B4GALNT3: variants seen among roughly 807,000 people sequenced by gnomAD.
The protein encoded by B4GALNT3 is beta-1,4-N-acetylgalactosaminyltransferase 3.
Under a neutral mutation model 120.2 loss-of-function variants are expected in B4GALNT3, and 86 were observed. The observed-to-expected ratio is 0.72, with a 90% CI of 0.60 to 0.86. The LOEUF is 0.86. Ranked by LOEUF, B4GALNT3 falls within the 40% of genes least tolerant of loss-of-function variation. The pLI is 0.00. For missense variants in B4GALNT3, 1,167 were observed against 1,298.9 expected (o/e 0.90, Z 1.56); for synonymous variants, 518 against 510.4 (o/e 1.01, Z -0.20).
intron 1 of B4GALNT3, among the ~76,000 whole-genome samples, chr12:482,855 T>G (rs954146325): frequency 6.6e-6 from 1 of 152,126 alleles, no homozygotes; most frequent in Non-Finnish European, 1.5e-5. Context: ...CTGGGCAACA[T>G]AGTGAGACCC....
chr12:470,583 G>A lies in B4GALNT3; in HGVS notation c.169+10038G>A, dbSNP rs565568933. Among the ~76,000 whole-genome samples the A allele has an allele frequency of 1.5e-4, 23 of 152,346 alleles. 1 individual carries two copies. The East Asian group carries it at 4.4e-3, about 29-fold the overall frequency. ...CCCATTTCAGCTGAGTAGAGGGCCTGGGAAAGGGCAGTGGAGATGGGCAGC... is the reference window on the plus strand; with the variant it reads ...CCCATTTCAGCTGAGTAGAGGGCCTAGGAAAGGGCAGTGGAGATGGGCAGC... On this transcript the variant is annotated intron_variant, in intron 1 of 19. Transcript: ENST00000266383.
chr12:501,118 A>AC (rs768428142), intron 1 of B4GALNT3, among the ~76,000 whole-genome samples: 10 of 150,548 alleles, frequency 6.6e-5, no homozygotes, highest in East Asian at 2.0e-4. Flanking sequence ...CAGGTGATCC[A>AC]CCCCCCTCAG....
chr12:461,434 G>T (rs1300631547), intron 1 of B4GALNT3, among the ~76,000 whole-genome samples: 1 of 152,186 alleles, frequency 6.6e-6, no homozygotes, highest in Non-Finnish European at 1.5e-5. Context: ...AACGTACTGT[G>T]GATGGGCCTA....
intron 1 of B4GALNT3, among the ~76,000 whole-genome samples, chr12:521,584 G>A (rs1000002048): frequency 1.2e-4 from 19 of 152,288 alleles, no homozygotes; most frequent in East Asian, 3.9e-4. Context: ...GTTCTTACCC[G>A]CCTCTGTTTT....
chr12:461,538 C>G (rs912007982), intron 1 of B4GALNT3, among the ~76,000 whole-genome samples: 1 of 152,202 alleles, frequency 6.6e-6, no homozygotes, highest in African/African-American at 2.4e-5. Flanking sequence ...AGGTGCCCAA[C>G]GCAAGCCCGG....
intron 1 of B4GALNT3, among the ~76,000 whole-genome samples, chr12:486,455 G>T (rs1010892081): frequency 1.6e-4 from 24 of 152,068 alleles, no homozygotes; most frequent in African/African-American, 4.8e-4. Flanking sequence ...TGATCCACCC[G>T]CCTCGGCCTC....
Position 553,306 on chromosome 12 carries a change from C to G in B4GALNT3, c.1383C>G (p.Ser461=). ...RMLEGRQTPA[S]TLEQDATDYR... is the part of the protein sequence containing the mutation. Reference sequence around the variant, plus strand: ...TTGAGGGAAGACAGACACCTGCCTCCACCCTGGAGCAAGATGCCACTGACT... The same window carrying G: ...TTGAGGGAAGACAGACACCTGCCTCGACCCTGGAGCAAGATGCCACTGACT... Residue 461 remains serine (S), a synonymous_variant, in exon 14 of 20, where the codon TCC becomes TCG. Transcript: ENST00000266383. 1 of 1,613,668 alleles carries G rather than the reference C, an allele frequency of 6.2e-7. No homozygotes were observed.
At chr12:519,539 C>T (rs1946686019) in intron 1 of B4GALNT3, among the ~76,000 whole-genome samples, 1 of 151,742 alleles carries the variant, frequency 6.6e-6, no homozygotes, top group Non-Finnish European at 1.5e-5. Flanking sequence ...CCCCTTTCAT[C>T]CTGGAGCTTT....
chr12:462,467 C>T (rs6489533), intron 1 of B4GALNT3, among the ~76,000 whole-genome samples: 37,114 of 150,370 alleles, frequency 0.25, 5,956 homozygotes, highest in Non-Finnish European at 0.33. Flanking sequence ...CGCCTCATTC[C>T]GAGCCATCAA....
At chr12:486,205 C>CT (rs59345776) in intron 1 of B4GALNT3, among the ~76,000 whole-genome samples, 4,371 of 98,002 alleles carry the variant, frequency 0.045, 195 homozygotes, top group Non-Finnish European at 0.064. Flanking sequence ...CCAAAATATT[C>CT]TTTTTTTTTT....
intron 1 of B4GALNT3, among the ~76,000 whole-genome samples, chr12:533,332 C>T (rs1946826073): frequency 6.6e-6 from 1 of 152,236 alleles, no homozygotes; most frequent in South Asian, 2.1e-4. Context: ...GTGGCCCCAG[C>T]ATCCTGCTTC....
chr12:536,208 C>T lies in B4GALNT3; in HGVS notation c.274-10C>T. On this transcript the variant is annotated splice_polypyrimidine_tract_variant and intron_variant, in intron 2 of 19. Transcript: ENST00000266383. ...ATTCCTACCAACTTCGTTCTTCATT[C>T]TTCCCCTAGGACCACGACATTGACC... 6.2e-7 allele frequency: 1 copy of T among 1,612,048 alleles called. No individual in the cohort carries two copies. Among genetic ancestry groups the T allele is most frequent in the East Asian group, 2.2e-5 (1 of 44,874 alleles).
chr12:501,241 C>T (rs930399021), intron 1 of B4GALNT3, among the ~76,000 whole-genome samples: 13 of 152,148 alleles, frequency 8.5e-5, no homozygotes, highest in African/African-American at 2.9e-4. Flanking sequence ...TTATTTCCTT[C>T]TTCCATAAAA....
intron 3 of B4GALNT3, among the ~76,000 whole-genome samples, chr12:543,786 A>G (rs111919538): frequency 0.091 from 2,257 of 24,832 alleles, 295 homozygotes; most frequent in African/African-American, 0.17. Context: ...GAGCTGGGGC[A>G]GGCATGGGGT....
At chr12:515,993 A>G (rs963739667) in intron 1 of B4GALNT3, among the ~76,000 whole-genome samples, 1 of 147,228 alleles carries the variant, frequency 6.8e-6, no homozygotes, top group Non-Finnish European at 1.5e-5. Context: ...CACACACACA[A>G]AAATTAGCCA....
At chr12:560,436 A>G (rs1358061328) in intron 19 of B4GALNT3, among the ~76,000 whole-genome samples, 1 of 152,194 alleles carries the variant, frequency 6.6e-6, no homozygotes, top group East Asian at 1.9e-4. Context: ...TCCAGATGAG[A>G]AGACTGAGTC....
In B4GALNT3 at chr12:558,750, G is replaced by A. The variant is rs989873813; in HGVS notation, c.2761+89G>A. ...GCTGGGAACAGTCATATCTATGAGC[G>A]TCAGCATCCTCCTCCCCTGCCCCAC... On this transcript the variant is annotated intron_variant, in intron 18 of 19. Transcript: ENST00000266383. 2.4e-4 allele frequency: 329 copies of A among 1,374,780 alleles called. 1 individual carries two copies. The highest frequency in any genetic ancestry group is 1.4e-3 in the Middle Eastern group (7 of 5,176). The allele number at this position is 1,374,780 out of a possible 1,614,324, so 85.2% of individuals were successfully genotyped here. A position where few individuals can be genotyped will look rare whatever the true frequency, so the allele number is the denominator to read the frequency against.
At chr12:484,307 T>C (rs570811354) in intron 1 of B4GALNT3, among the ~76,000 whole-genome samples, 1 of 152,286 alleles carries the variant, frequency 6.6e-6, no homozygotes, top group Admixed American at 6.5e-5. Flanking sequence ...AGATACGAAG[T>C]ACCTGTCCTT....
intron 1 of B4GALNT3, among the ~76,000 whole-genome samples, chr12:533,127 G>T (rs998728158): frequency 5.3e-5 from 8 of 152,178 alleles, no homozygotes; most frequent in Non-Finnish European, 1.0e-4. Context: ...ACCCAGGCAC[G>T]CCTGAACCCA....
Sources: allele counts gnomAD v4.1 joint callset (sites outside exome capture counted in the v4.1 genomes callset), GRCh38; gene constraint gnomAD v4.1.1; transcripts MANE v1.5; gene names NCBI Gene and HGNC (gene_info 2026-07-23, HGNC 2026-07-21).